NEAT1: variants seen among roughly 807,000 people sequenced by gnomAD.
NEAT1 encodes nuclear paraspeckle assembly transcript 1.
exon 1 of NEAT1, chr11:65,433,502 G>A (rs1375010673): frequency 6.6e-6 from 1 of 151,972 alleles, no homozygotes; most frequent in African/African-American, 2.4e-5. Context: ...TTTTAATAAT[G>A]TGGTAAGCAT....
exon 1 of NEAT1, chr11:65,435,845 T>A (rs1400912615): frequency 6.6e-6 from 1 of 151,858 alleles, no homozygotes; most frequent in Non-Finnish European, 1.5e-5. Flanking sequence ...GGCCCCAGAG[T>A]CTAATTCCTG....
At chr11:65,426,027 A>AGG (rs907929937) in exon 1 of NEAT1, 3 of 152,170 alleles carry the variant, frequency 2.0e-5, no homozygotes, top group African/African-American at 7.2e-5. Context: ...TAAAAAGGGA[A>AGG]GGGGATGGGG....
At chr11:65,441,621 G>C (rs1167278393) in exon 1 of NEAT1, 2 of 151,966 alleles carry the variant, frequency 1.3e-5, no homozygotes, top group Non-Finnish European at 2.9e-5. Flanking sequence ...CTTATGCATA[G>C]TTTTTCACTT....
At chr11:65,431,888 G>C (rs1021196615) in exon 1 of NEAT1, 5 of 152,054 alleles carry the variant, frequency 3.3e-5, no homozygotes, top group African/African-American at 1.2e-4. Context: ...TTTGTTGATT[G>C]TGTTCTTTGA....
chr11:65,424,037 G>A (rs1309443657), exon 1 of NEAT1: 5 of 152,446 alleles, frequency 3.3e-5, no homozygotes, highest in African/African-American at 9.7e-5. Context: ...ATTGCAGGAG[G>A]GGAGACCCTG....
exon 1 of NEAT1, chr11:65,427,155 T>C (rs998868380): frequency 5.9e-5 from 9 of 152,348 alleles, no homozygotes; most frequent in Non-Finnish European, 8.8e-5. Context: ...AAACTGCCTC[T>C]GTCTCCTGGG....
At chr11:65,428,950 GTA>G (rs1183432197) in exon 1 of NEAT1, 1 of 152,024 alleles carries the variant, frequency 6.6e-6, no homozygotes, top group Non-Finnish European at 1.5e-5. Flanking sequence ...GATTTCTTTT[GTA>G]TGCATGGGAT....
At chr11:65,430,070 G>C (rs1856600808) in exon 1 of NEAT1, 1 of 152,264 alleles carries the variant, frequency 6.6e-6, no homozygotes, top group African/African-American at 2.4e-5. Context: ...TTCGAATCCT[G>C]ACTGGACTAC....
At chr11:65,438,091 G>C (rs1348863597) in exon 1 of NEAT1, 1 of 152,152 alleles carries the variant, frequency 6.6e-6, no homozygotes, top group Non-Finnish European at 1.5e-5. Flanking sequence ...TCCAGCACCT[G>C]ACCCTGTGCC....
exon 1 of NEAT1, chr11:65,443,631 G>A (rs1290396741): frequency 6.6e-6 from 1 of 152,202 alleles, no homozygotes; most frequent in Non-Finnish European, 1.5e-5. Flanking sequence ...GCATTTTGTG[G>A]TTACGAATTC....
exon 1 of NEAT1, chr11:65,444,481 G>C (rs1337907735): frequency 4.2e-6 from 2 of 475,832 alleles, no homozygotes; most frequent in African/African-American, 4.0e-5. Context: ...CTGCTGGGCA[G>C]GGCTTCTGAG....
exon 1 of NEAT1, chr11:65,437,772 CACCCCATCTGACTGACT>C (rs990343781): frequency 3.3e-5 from 5 of 152,092 alleles, no homozygotes; most frequent in Admixed American, 2.6e-4. Flanking sequence ...TAGCCGACCC[CACCCCATCTGACTGACT>C]ACCCCATCAC....
chr11:65,428,797 C>T (rs1856587216), exon 1 of NEAT1: 1 of 152,010 alleles, frequency 6.6e-6, no homozygotes, highest in African/African-American at 2.4e-5. Context: ...ACTGCCTTTC[C>T]TCTCTTTTAA....
exon 1 of NEAT1, chr11:65,438,904 C>A (rs1051316065): frequency 7.2e-5 from 11 of 152,122 alleles, no homozygotes; most frequent in African/African-American, 2.7e-4. Context: ...TCATTATATA[C>A]CTAGGAGTAG....
At chr11:65,427,822 C>T (rs1030503255) in exon 1 of NEAT1, 1 of 152,148 alleles carries the variant, frequency 6.6e-6, no homozygotes, top group Non-Finnish European at 1.5e-5. Context: ...TGCTTCCACC[C>T]TGGAAGATAA....
exon 1 of NEAT1, chr11:65,428,662 T>G (rs760264315): frequency 6.6e-6 from 1 of 152,180 alleles, no homozygotes; most frequent in African/African-American, 2.4e-5. Context: ...TACGAAAAGA[T>G]GAACAGGTAC....
rs185519730 is a variant in NEAT1, at chr11:65,431,400, C to G, written n.8603C>G. The G allele has an allele frequency of 7.1e-4, 108 of 152,166 alleles. 1 individual carries two copies. The highest frequency in any genetic ancestry group is 2.5e-3 in the African/African-American group (104 of 41,498). The allele number at this position is 152,166 out of a possible 1,614,324, so 9.4% of individuals were successfully genotyped here. On this transcript the variant is annotated non_coding_transcript_exon_variant, in exon 1 of 1. Coordinates refer to ENST00000501122, the Ensembl canonical transcript of NEAT1. Reference sequence around the variant, plus strand: ...GTACACACATCTTTTTGAGATCCTACCTTCAGTTCTTTTGAGTATATAGCC... The same window carrying G: ...GTACACACATCTTTTTGAGATCCTAGCTTCAGTTCTTTTGAGTATATAGCC...
exon 1 of NEAT1, chr11:65,427,998 C>G (rs1044430982): frequency 1.3e-5 from 2 of 152,216 alleles, no homozygotes; most frequent in Admixed American, 1.3e-4. Context: ...CAGCTCGCCA[C>G]CCTCCTTGCC....
chr11:65,443,640 TC>T (rs1489978840), exon 1 of NEAT1: 1 of 152,182 alleles, frequency 6.6e-6, no homozygotes, highest in African/African-American at 2.4e-5. Context: ...GGTTACGAAT[TC>T]TACAGTCACA....
Sources: allele counts gnomAD v4.1 joint callset, GRCh38; gene constraint gnomAD v4.1.1; transcripts MANE v1.5; gene names NCBI Gene and HGNC (gene_info 2026-07-23, HGNC 2026-07-21).